The following VPS13A variants were observed in gnomAD, a reference collection of about 807,000 sequenced individuals.
VPS13A encodes intermembrane lipid transfer protein VPS13A.
In VPS13A, 264 loss-of-function variants were observed where a neutral mutation model predicts 390.9. The observed-to-expected ratio is 0.68, with a 90% CI of 0.61 to 0.75. The LOEUF is 0.75. VPS13A is among the 30% of genes least tolerant of loss of function. The pLI is 0.00. For synonymous variants in VPS13A, 1,231 were observed against 1,227.1 expected (o/e 1.00, Z -0.07); for missense variants, 3,409 against 3,733.9 (o/e 0.91, Z 2.27).
intron 19 of VPS13A, among the ~76,000 whole-genome samples, chr9:77,241,881 T>C (rs1824520377): frequency 6.6e-6 from 1 of 152,192 alleles, no homozygotes; most frequent in African/African-American, 2.4e-5. Flanking sequence ...ACAGCCTTTG[T>C]TTGCATCCCC....
intron 27 of VPS13A, among the ~76,000 whole-genome samples, chr9:77,280,603 A>G (rs1200591919): frequency 6.6e-6 from 1 of 152,016 alleles, no homozygotes; most frequent in Non-Finnish European, 1.5e-5. Context: ...AAGTTACTTG[A>G]TATTCCTAGG....
chr9:77,324,481 T>C (rs1241837904), intron 45 of VPS13A, among the ~76,000 whole-genome samples: 1 of 152,190 alleles, frequency 6.6e-6, no homozygotes, highest in Admixed American at 6.5e-5. Context: ...TGTCAGATGC[T>C]TTTTCTGTAC....
At chr9:77,373,065 G>A (rs1832871520) in intron 67 of VPS13A, among the ~76,000 whole-genome samples, 1 of 152,088 alleles carries the variant, frequency 6.6e-6, no homozygotes, top group Non-Finnish European at 1.5e-5. Flanking sequence ...ACTGCCCAAG[G>A]TAATTTACAG....
intron 17 of VPS13A, among the ~76,000 whole-genome samples, chr9:77,231,237 T>C (rs191683578): frequency 9.3e-4 from 142 of 152,212 alleles, no homozygotes; most frequent in African/African-American, 3.2e-3. Context: ...CTTGCCTAAT[T>C]GCCCCGGCTA....
At chr9:77,399,990 C>G (rs1300579300) in intron 68 of VPS13A, among the ~76,000 whole-genome samples, 1 of 152,108 alleles carries the variant, frequency 6.6e-6, no homozygotes, top group African/African-American at 2.4e-5. Context: ...CTTCATAATG[C>G]TCCATTGTAT....
intron 6 of VPS13A, among the ~76,000 whole-genome samples, chr9:77,210,189 CTT>C (rs1304555624): frequency 2.0e-4 from 25 of 123,744 alleles, no homozygotes; most frequent in African/African-American, 7.8e-4. Flanking sequence ...CTCTCTTTCT[CTT>C]TCTCTCTTTC....
chr9:77,357,005 T>G, intron 55 of VPS13A, 138 bp downstream of exon 55: 1 of 989,180 alleles, frequency 1.0e-6, no homozygotes, highest in Non-Finnish European at 1.5e-6. Flanking sequence ...TATAAAATGT[T>G]TTAAAGAGGT....
intron 71 of VPS13A, among the ~76,000 whole-genome samples, chr9:77,414,739 T>TTAATAATAATAATAATAA (rs148536381): frequency 4.9e-4 from 71 of 145,670 alleles, no homozygotes; most frequent in African/African-American, 1.0e-3. Flanking sequence ...TGAAGTATAA[T>TTAATAATAATAATAATAA]TAATAATAAT....
chr9:77,382,251 C>T, intron 68 of VPS13A, 164 bp downstream of exon 68: 2 of 1,461,032 alleles, frequency 1.4e-6, no homozygotes, highest in Non-Finnish European at 1.8e-6. Context: ...CATTTATTTA[C>T]TATAAGATTT....
chr9:77,178,648 T>C (rs372747150), intron 1 of VPS13A, among the ~76,000 whole-genome samples: 226 of 152,280 alleles, frequency 1.5e-3, no homozygotes, highest in Non-Finnish European at 2.5e-3. Flanking sequence ...GAGCTTTCCT[T>C]GTGTCCGTTT....
chr9:77,363,404 A>T (rs12341913), intron 59 of VPS13A, among the ~76,000 whole-genome samples: 8,219 of 77,534 alleles, frequency 0.11, 517 homozygotes, highest in Non-Finnish European at 0.14. Flanking sequence ...TTTTTTTTTT[A>T]TTTTTTTTTT....
chr9:77,391,004 C>T (rs1468934549), intron 68 of VPS13A, among the ~76,000 whole-genome samples: 1 of 152,152 alleles, frequency 6.6e-6, no homozygotes. Flanking sequence ...AAGAAATCCT[C>T]AAATGTTAAG....
At chr9:77,398,927 AAAC>A (rs1401504789) in intron 68 of VPS13A, among the ~76,000 whole-genome samples, 2 of 147,942 alleles carry the variant, frequency 1.4e-5, no homozygotes, top group Non-Finnish European at 1.5e-5. Flanking sequence ...ACAAAAAACC[AAAC>A]ACCACATATT....
intron 1 of VPS13A, among the ~76,000 whole-genome samples, chr9:77,192,627 T>A (rs560876450): frequency 1.3e-5 from 2 of 152,354 alleles, no homozygotes; most frequent in South Asian, 4.1e-4. Context: ...ATGAAATTCT[T>A]GGTTGGAATT....
At chr9:77,286,326 G>C (rs1346176744) in intron 31 of VPS13A, among the ~76,000 whole-genome samples, 2 of 152,164 alleles carry the variant, frequency 1.3e-5, no homozygotes, top group African/African-American at 2.4e-5. Flanking sequence ...GTGCCCACCA[G>C]GGAGGCTGAC....
chr9:77,365,614 A>G (rs1398857097), intron 60 of VPS13A, 41 bp downstream of exon 60: 1 of 1,253,332 alleles, frequency 8.0e-7, no homozygotes, highest in Non-Finnish European at 1.2e-6. Context: ...TAATCTAGGT[A>G]ATAGCAAATT....
intron 31 of VPS13A, among the ~76,000 whole-genome samples, chr9:77,286,683 A>G (rs572713406): frequency 3.7e-4 from 56 of 152,298 alleles, no homozygotes; most frequent in African/African-American, 1.3e-3. Context: ...TTGAAGCTTT[A>G]TGTAGGGACT....
At chr9:77,313,951 C>A (rs1333255675) in intron 35 of VPS13A, 41 bp from the exon 36 acceptor site, 3 of 1,581,162 alleles carry the variant, frequency 1.9e-6, no homozygotes, top group Non-Finnish European at 2.6e-6. Flanking sequence ...AGCTACTTTT[C>A]ATGATATTTT....
intron 56 of VPS13A, 139 bp from the exon 57 acceptor site, chr9:77,358,218 A>G: frequency 1.4e-6 from 1 of 732,552 alleles, no homozygotes; most frequent in Non-Finnish European, 2.3e-6. Flanking sequence ...GGCCTCCCAA[A>G]GTGCTGGGAT....
Sources: allele counts gnomAD v4.1 joint callset (sites outside exome capture counted in the v4.1 genomes callset), GRCh38; gene constraint gnomAD v4.1.1; transcripts MANE v1.5; gene names NCBI Gene and HGNC (gene_info 2026-07-23, HGNC 2026-07-21).